Variants in RAP1GDS1 observed in about 807,000 individuals in gnomAD.
The protein encoded by RAP1GDS1 is Rap1 GTPase-GDP dissociation stimulator 1.
RAP1GDS1 carries 35 observed loss-of-function variants against 71.1 expected under a neutral mutation model. That is an observed-to-expected ratio of 0.49 (90% CI 0.38 to 0.65). The LOEUF (loss-of-function observed/expected upper bound fraction) is 0.65, where lower values mean the gene tolerates loss of function less well. Among genes scored for constraint, RAP1GDS1 ranks in the 30% least tolerant of loss-of-function variants. The probability of loss-of-function intolerance (pLI) is 0.00; values close to 1 mark genes in which losing one functional copy is unlikely to be tolerated. For synonymous variants in RAP1GDS1, 229 were observed against 243.1 expected, an observed-to-expected ratio of 0.94 and a Z score of 0.54; for missense variants, 663 against 706.1, an observed-to-expected ratio of 0.94 and a Z score of 0.69.
At chr4:98,311,404 C>T (rs1251409465) in intron 2 of RAP1GDS1, among the ~76,000 whole-genome samples, 1 of 152,020 alleles carries the variant, frequency 6.6e-6, no homozygotes, top group East Asian at 1.9e-4. Flanking sequence ...GAAAATAACT[C>T]TGTAAAATGG....
chr4:98,318,617 C>G (rs944271223), intron 2 of RAP1GDS1, among the ~76,000 whole-genome samples: 3 of 152,096 alleles, frequency 2.0e-5, no homozygotes, highest in African/African-American at 7.2e-5. Context: ...CTGCTATTGA[C>G]CTTCTGGGGA....
At chr4:98,297,259 T>A (rs1315439769) in intron 2 of RAP1GDS1, among the ~76,000 whole-genome samples, 1 of 152,172 alleles carries the variant, frequency 6.6e-6, no homozygotes, top group Non-Finnish European at 1.5e-5. Context: ...TGCTAGCCCT[T>A]GTTCTTTATT....
intron 7 of RAP1GDS1, among the ~76,000 whole-genome samples, chr4:98,412,430 G>C (rs1316957647): frequency 6.6e-6 from 1 of 152,180 alleles, no homozygotes; most frequent in East Asian, 1.9e-4. Context: ...TAGGAGGATT[G>C]CTTGAGCCCA....
In RAP1GDS1 at chr4:98,353,468, A is replaced by G. The variant is rs1737508583; in HGVS notation, c.361+867A>G. ...CCCTTTTATAATAGGCAGTCCTTCA[A>G]AAAGTGATTTATGCATATAAGCCAG... On this transcript the variant is annotated intron_variant, in intron 4 of 14. Coordinates refer to ENST00000408927, the MANE Select transcript of RAP1GDS1 (RefSeq NM_001100427.2). Among the ~76,000 whole-genome samples, 2 of 152,222 alleles carry G rather than the reference A, an allele frequency of 1.3e-5. 1 individual carries two copies. The highest frequency in any genetic ancestry group is 1.3e-4 in the Admixed American group (2 of 15,286).
chr4:98,353,962 T>A (rs1217812501), intron 4 of RAP1GDS1, among the ~76,000 whole-genome samples: 1 of 152,162 alleles, frequency 6.6e-6, no homozygotes, highest in Non-Finnish European at 1.5e-5. Flanking sequence ...AGTCAAAAGA[T>A]TAGTGGCATG....
chr4:98,322,467 A>AT (rs1283376715), intron 2 of RAP1GDS1, among the ~76,000 whole-genome samples: 2 of 114,432 alleles, frequency 1.7e-5, no homozygotes, highest in Non-Finnish European at 3.5e-5. Flanking sequence ...CAGAATATAC[A>AT]TTTTTTTCAG....
chr4:98,327,515 T>C (rs1010620723), intron 2 of RAP1GDS1, among the ~76,000 whole-genome samples: 1 of 152,222 alleles, frequency 6.6e-6, no homozygotes, highest in Non-Finnish European at 1.5e-5. Flanking sequence ...TGTCAGGCAT[T>C]TATTCATGAG....
intron 1 of RAP1GDS1, among the ~76,000 whole-genome samples, chr4:98,289,426 AGT>A (rs1019384067): frequency 6.6e-6 from 1 of 152,062 alleles, no homozygotes; most frequent in African/African-American, 2.4e-5. Context: ...TGAAAATGAA[AGT>A]GTGCTTGGGA....
At chr4:98,359,096 T>G (rs564063700) in intron 4 of RAP1GDS1, among the ~76,000 whole-genome samples, 147 of 152,216 alleles carry the variant, frequency 9.7e-4, no homozygotes, top group African/African-American at 3.3e-3. Flanking sequence ...TTTAATGAGT[T>G]TGTGCAATTA....
chr4:98,359,747 A>G (rs1033880257), intron 4 of RAP1GDS1, among the ~76,000 whole-genome samples: 3 of 152,212 alleles, frequency 2.0e-5, no homozygotes, highest in African/African-American at 7.2e-5. Flanking sequence ...AGTAACTTGA[A>G]GAAATTGATA....
chr4:98,348,984 T>G (rs1736734223), intron 3 of RAP1GDS1, among the ~76,000 whole-genome samples: 1 of 152,200 alleles, frequency 6.6e-6, no homozygotes, highest in African/African-American at 2.4e-5. Context: ...AGATCCCATT[T>G]GTCAATTTTG....
chr4:98,280,824 A>G (rs1279316659), intron 1 of RAP1GDS1, among the ~76,000 whole-genome samples: 3 of 152,238 alleles, frequency 2.0e-5, no homozygotes, highest in Non-Finnish European at 4.4e-5. Context: ...AGCTTTCTAC[A>G]TATGGCTAGC....
chr4:98,273,849 C>T (rs1266367908), intron 1 of RAP1GDS1, among the ~76,000 whole-genome samples: 1 of 152,124 alleles, frequency 6.6e-6, no homozygotes, highest in Non-Finnish European at 1.5e-5. Context: ...AGATTAACCA[C>T]TTCCAATTTA....
chr4:98,333,242 C>T (rs1310767288), intron 2 of RAP1GDS1, among the ~76,000 whole-genome samples: 5 of 151,810 alleles, frequency 3.3e-5, no homozygotes, highest in Non-Finnish European at 5.9e-5. Flanking sequence ...ATCTCAATAG[C>T]GAATACATTT....
At chr4:98,301,730 C>T (rs368486308) in intron 2 of RAP1GDS1, among the ~76,000 whole-genome samples, 18 of 151,992 alleles carry the variant, frequency 1.2e-4, no homozygotes, top group African/African-American at 3.4e-4. Context: ...GAAAATAGTG[C>T]GATCTGGTCT....
intron 1 of RAP1GDS1, among the ~76,000 whole-genome samples, chr4:98,278,266 T>C (rs1724528183): frequency 6.6e-6 from 1 of 152,186 alleles, no homozygotes; most frequent in African/African-American, 2.4e-5. Flanking sequence ...AGTTGTCTTT[T>C]AGGCAGGGTA....
At chr4:98,280,352 A>G (rs1409651083) in intron 1 of RAP1GDS1, among the ~76,000 whole-genome samples, 1 of 152,176 alleles carries the variant, frequency 6.6e-6, no homozygotes, top group Non-Finnish European at 1.5e-5. Context: ...CGTTTCTCTG[A>G]TGACTAGTGA....
intron 2 of RAP1GDS1, among the ~76,000 whole-genome samples, chr4:98,306,397 G>T (rs1242334317): frequency 6.6e-6 from 1 of 152,154 alleles, no homozygotes; most frequent in Non-Finnish European, 1.5e-5. Flanking sequence ...GAAGGAGAGC[G>T]AGAGAGCGAG....
chr4:98,317,756 C>G (rs1731154711), intron 2 of RAP1GDS1, among the ~76,000 whole-genome samples: 1 of 151,750 alleles, frequency 6.6e-6, no homozygotes, highest in African/African-American at 2.4e-5. Context: ...GGTGAGCATC[C>G]TAGTGGTGTT....
Sources: gnomAD v4.1 joint callset for allele counts (sites outside exome capture counted in the v4.1 genomes callset) on GRCh38, gnomAD v4.1.1 for gene constraint, MANE v1.5 for transcripts, NCBI Gene and HGNC (gene_info 2026-07-23, HGNC 2026-07-21) for gene names.